PLS3: variants seen among roughly 807,000 people sequenced by gnomAD.
PLS3 encodes the protein plastin 3.
In PLS3, 11 loss-of-function variants were observed where a neutral mutation model predicts 46.5. The observed-to-expected ratio is 0.24, with a 90% confidence interval of 0.15 to 0.39. The LOEUF is 0.39. PLS3 is among the 10% of genes least tolerant of loss of function. The probability of loss-of-function intolerance (pLI) is 1.00; values close to 1 mark genes in which losing one functional copy is unlikely to be tolerated. For synonymous variants in PLS3, 167 were observed against 162.2 expected (o/e 1.03, Z -0.22); for missense variants, 308 against 461.8 (o/e 0.67, Z 3.05).
chrX:115,637,450 T>C (rs968501247), intron 8 of PLS3, among the ~76,000 whole-genome samples: 29 of 111,832 alleles, frequency 2.6e-4, no homozygotes, highest in Non-Finnish European at 2.6e-4. Context: ...TGTCTGTGTA[T>C]CCTACCTCAG....
chrX:115,580,173 ATCTT>A (rs1226685922), intron 1 of PLS3, among the ~76,000 whole-genome samples: 4 of 112,389 alleles, frequency 3.6e-5, no homozygotes, highest in African/African-American at 1.3e-4. Context: ...TCTGAACAGA[ATCTT>A]TCATAGAACA....
chrX:115,639,231 G>A (rs5987763), intron 8 of PLS3, among the ~76,000 whole-genome samples: 33,111 of 110,601 alleles, frequency 0.3, 5,475 homozygotes, highest in African/African-American at 0.62. Context: ...AAGCACTTTC[G>A]CAATTGTAGT....
intron 9 of PLS3, 99 bp downstream of exon 9, chrX:115,640,602 C>T (rs2074885012): frequency 2.2e-6 from 1 of 462,184 alleles, no homozygotes; most frequent in Non-Finnish European, 3.8e-6. Flanking sequence ...GTAGAGTTGG[C>T]AATTTTAAGC....
intron 3 of PLS3, among the ~76,000 whole-genome samples, chrX:115,628,216 A>G (rs1556638732): frequency 8.9e-6 from 1 of 112,285 alleles, no homozygotes; most frequent in Non-Finnish European, 1.9e-5. Context: ...ACCCTGTTCT[A>G]TGAACCGCAG....
chrX:115,633,434 G>A (rs1271780326), intron 5 of PLS3, among the ~76,000 whole-genome samples: 1 of 111,075 alleles, frequency 9.0e-6, no homozygotes, highest in African/African-American at 3.3e-5. Context: ...GCCTCCCAAA[G>A]TGTGGGATTA....
chrX:115,644,701 A>G (rs2074933819), intron 10 of PLS3, among the ~76,000 whole-genome samples: 1 of 111,717 alleles, frequency 9.0e-6, no homozygotes, highest in Middle Eastern at 4.6e-3. Context: ...TGATAACATC[A>G]GTTACTTTGA....
At chrX:115,645,128 G>A in intron 11 of PLS3, 29 bp downstream of exon 11, 1 of 858,266 alleles carries the variant, frequency 1.2e-6, no homozygotes, top group Non-Finnish European at 1.7e-6. Context: ...ATTGTAAACA[G>A]TTACGAATGT....
intron 4 of PLS3, 59 bp downstream of exon 4, chrX:115,629,386 T>C: frequency 1.0e-6 from 1 of 994,489 alleles, no homozygotes; most frequent in Non-Finnish European, 1.4e-6. Context: ...GTTGCTGTAA[T>C]GTCAAGGACG....
intron 1 of PLS3, among the ~76,000 whole-genome samples, chrX:115,598,729 G>C (rs782110106): frequency 7.9e-4 from 88 of 112,051 alleles, no homozygotes; most frequent in African/African-American, 2.7e-3. Context: ...ACAATACTTA[G>C]CATTCATGAG....
At chrX:115,624,164 G>A (rs1276583160) in intron 3 of PLS3, among the ~76,000 whole-genome samples, 3 of 104,776 alleles carry the variant, frequency 2.9e-5, no homozygotes, top group South Asian at 4.6e-4. Flanking sequence ...GGGAGTCGGA[G>A]GTTGCAGTGA....
At chrX:115,577,884 C>T (rs2074257848) in intron 1 of PLS3, among the ~76,000 whole-genome samples, 1 of 111,540 alleles carries the variant, frequency 9.0e-6, no homozygotes, top group Non-Finnish European at 1.9e-5. Flanking sequence ...TTCATCTATT[C>T]ATTGACTTAT....
intron 1 of PLS3, among the ~76,000 whole-genome samples, chrX:115,586,494 C>T (rs1402398423): frequency 5.1e-5 from 5 of 98,203 alleles, no homozygotes; most frequent in Non-Finnish European, 1.0e-4. Context: ...CATAGTGAAA[C>T]CCGGTCTCTA....
At position 115,640,390 on chromosome X, in the gene PLS3, A is replaced by C. The variant is rs199599805; in HGVS notation, c.892-18A>C. The C allele has an allele frequency of 4.2e-5, 45 of 1,059,635 alleles. No homozygotes were observed. Among genetic ancestry groups the C allele is most frequent in the Non-Finnish European group, 5.7e-5 (43 of 758,993 alleles). The allele number at this position is 1,059,635 out of a possible 1,213,427, so 87.3% of individuals were successfully genotyped here. A position where few individuals can be genotyped will look rare whatever the true frequency, so the allele number is the denominator to read the frequency against. Reference sequence around the variant, plus strand: ...TCCTTGTAACTGTGATCTCACTGACATTTTCAATTCTTTGTAGGATTCCAA... The same window carrying C: ...TCCTTGTAACTGTGATCTCACTGACCTTTTCAATTCTTTGTAGGATTCCAA... On this transcript the variant is annotated intron_variant, in intron 8 of 15. Coordinates refer to ENST00000355899, the MANE Select transcript of PLS3 (RefSeq NM_005032.7).
In PLS3 at chrX:115,583,656, C is replaced by T. The variant is rs140846874; in HGVS notation, c.-9+22396C>T. Among the ~76,000 whole-genome samples the T allele has an allele frequency of 5.3e-3, 597 of 112,447 alleles. 6 individuals are homozygous for T. Among genetic ancestry groups the T allele is most frequent in the African/African-American group, 0.018 (574 of 31,051 alleles). ...AAGCTATGGCTTCATGTTACTACTT[C>T]ATCTGAATTAGTCATTTAAAGGGGA... On this transcript the variant is annotated intron_variant, in intron 1 of 15. Coordinates refer to ENST00000355899, the MANE Select transcript of PLS3 (RefSeq NM_005032.7).
chrX:115,647,494 T>C, intron 13 of PLS3, 56 bp from the exon 14 acceptor site: 1 of 1,076,734 alleles, frequency 9.3e-7, no homozygotes. Context: ...CTTTCTGATG[T>C]TTGCATTTTT....
intron 13 of PLS3, 115 bp downstream of exon 13, chrX:115,646,650 AT>A: frequency 1.6e-6 from 1 of 637,298 alleles, no homozygotes; most frequent in Non-Finnish European, 2.3e-6. Flanking sequence ...AATATGTTAT[AT>A]TTACACTCCG....
chrX:115,578,639 G>A (rs1417598814), intron 1 of PLS3, among the ~76,000 whole-genome samples: 2 of 100,770 alleles, frequency 2.0e-5, no homozygotes, highest in Non-Finnish European at 4.0e-5. Flanking sequence ...GCAGAAGAAT[G>A]GCGTGAACCC....
chrX:115,567,307 CA>C (rs1488277092), intron 1 of PLS3, among the ~76,000 whole-genome samples: 1 of 111,097 alleles, frequency 9.0e-6, no homozygotes, highest in Non-Finnish European at 1.9e-5. Flanking sequence ...ATGAATAACA[CA>C]AAAAATGGCC....
intron 2 of PLS3, among the ~76,000 whole-genome samples, chrX:115,619,028 A>C (rs782665923): frequency 2.7e-5 from 3 of 112,830 alleles, no homozygotes; most frequent in Non-Finnish European, 3.7e-5. Flanking sequence ...AATAAGGTGC[A>C]GTAGTGATCA....
Sources: allele counts gnomAD v4.1 joint callset (sites outside exome capture counted in the v4.1 genomes callset), GRCh38; gene constraint gnomAD v4.1.1; transcripts MANE v1.5; gene names NCBI Gene and HGNC (gene_info 2026-07-23, HGNC 2026-07-21).